The following CACNA1E variants were observed in gnomAD, a reference collection of about 807,000 sequenced individuals.
CACNA1E encodes the protein voltage-dependent R-type calcium channel subunit alpha-1E.
CACNA1E carries 40 observed loss-of-function variants against 259.2 expected under a neutral mutation model. That is an observed-to-expected ratio of 0.15 (90% CI 0.12 to 0.20). The LOEUF is 0.20. Ranked by LOEUF, CACNA1E falls within the 10% of genes least tolerant of loss-of-function variation. CACNA1E has a pLI of 1.00. For missense variants in CACNA1E, 1,874 were observed against 3,040.1 expected, an observed-to-expected ratio of 0.62 and a Z score of 9.02; for synonymous variants, 1,104 against 1,138.5, an observed-to-expected ratio of 0.97 and a Z score of 0.61.
At chr1:181,555,543 G>T (rs1367457062) in intron 3 of CACNA1E, among the ~76,000 whole-genome samples, 1 of 152,198 alleles carries the variant, frequency 6.6e-6, no homozygotes, top group Non-Finnish European at 1.5e-5. Context: ...GGAAGGGAGG[G>T]TTACATAAAG....
chr1:181,391,245 G>A (rs75907155), intron 1 of CACNA1E, among the ~76,000 whole-genome samples: 119 of 152,274 alleles, frequency 7.8e-4, no homozygotes, highest in African/African-American at 2.8e-3. Context: ...TTTTGCAGCA[G>A]CCAGAGTAAT....
intron 2 of CACNA1E, among the ~76,000 whole-genome samples, chr1:181,419,211 T>A (rs762400196): frequency 5.3e-5 from 8 of 152,190 alleles, no homozygotes; most frequent in Non-Finnish European, 1.0e-4. Context: ...ATCTTCTCCC[T>A]CTTCCCCCTG....
chr1:181,516,683 G>C (rs1666610160), intron 3 of CACNA1E, among the ~76,000 whole-genome samples: 1 of 152,158 alleles, frequency 6.6e-6, no homozygotes, highest in Non-Finnish European at 1.5e-5. Flanking sequence ...TTGGGTTCAG[G>C]CCAAATGGAG....
intron 7 of CACNA1E, among the ~76,000 whole-genome samples, chr1:181,661,483 G>A (rs2102136175): frequency 6.6e-6 from 1 of 152,242 alleles, no homozygotes; most frequent in South Asian, 2.1e-4. Flanking sequence ...AAGTCTTCTG[G>A]ATTGCTTTTA....
At chr1:181,388,435 G>A (rs1296294836) in intron 1 of CACNA1E, among the ~76,000 whole-genome samples, 1 of 152,120 alleles carries the variant, frequency 6.6e-6, no homozygotes, top group African/African-American at 2.4e-5. Context: ...AAATGATATA[G>A]CCTATTACAC....
chr1:181,530,417 G>A (rs1178480519), intron 3 of CACNA1E, among the ~76,000 whole-genome samples: 2 of 152,112 alleles, frequency 1.3e-5, no homozygotes, highest in African/African-American at 4.8e-5. Context: ...TGAGAATATA[G>A]CAGATTTTTA....
At chr1:181,382,786 C>CT (rs1283212055) in intron 1 of CACNA1E, among the ~76,000 whole-genome samples, 1 of 152,164 alleles carries the variant, frequency 6.6e-6, no homozygotes, top group Non-Finnish European at 1.5e-5. Flanking sequence ...TTGACCCAAC[C>CT]TTTAGCTCAG....
chr1:181,649,260 C>T (rs1384577659), intron 6 of CACNA1E, among the ~76,000 whole-genome samples: 1 of 152,192 alleles, frequency 6.6e-6, no homozygotes, highest in Non-Finnish European at 1.5e-5. Context: ...CTCCATCTTA[C>T]ACACTGAAAT....
At chr1:181,336,668 C>G (rs997552627) in intron 1 of CACNA1E, among the ~76,000 whole-genome samples, 10 of 152,062 alleles carry the variant, frequency 6.6e-5, no homozygotes, top group African/African-American at 2.4e-4. Context: ...CATTCCATTT[C>G]TAGAACTTTT....
At chr1:181,472,694 C>T (rs1031578939) in intron 2 of CACNA1E, among the ~76,000 whole-genome samples, 9 of 152,158 alleles carry the variant, frequency 5.9e-5, no homozygotes, top group Non-Finnish European at 1.2e-4. Context: ...GAGCTGGTGA[C>T]TGTCTTCAGG....
At chr1:181,754,034 C>T (rs942064245) in intron 27 of CACNA1E, among the ~76,000 whole-genome samples, 1 of 152,220 alleles carries the variant, frequency 6.6e-6, no homozygotes, top group African/African-American at 2.4e-5. Context: ...TTCTTACCAC[C>T]TTCCTGCCCA....
chr1:181,717,110 G>A lies in CACNA1E; in HGVS notation c.1333G>A (p.Ala445Thr). The A allele has an allele frequency of 6.2e-7, 1 of 1,614,018 alleles. No homozygotes were observed. Among genetic ancestry groups the A allele is most frequent in the South Asian group, 1.1e-5 (1 of 91,084 alleles). ...ISSVGTPLAR[A>T]SIKSAKVDGV... is the part of the protein sequence containing the mutation. ...CCTCTTAGGCACACCTCTGGCCCGA[G>A]CCAGTATCAAAAGTGCAAAGGTAGA... The change falls in exon 11 of 48, where the codon GCC (alanine) becomes ACC (threonine). Residue 445 changes from alanine (A) to threonine (T), a missense_variant. By Grantham distance (58) the Ala-to-Thr change is moderately conservative. Transcript: ENST00000367573.
chr1:181,329,927 G>A (rs1315623115), intron 1 of CACNA1E, among the ~76,000 whole-genome samples: 2 of 152,176 alleles, frequency 1.3e-5, no homozygotes, highest in African/African-American at 4.8e-5. Flanking sequence ...ATCACTGTTG[G>A]TTGAATGGAT....
At chr1:181,531,764 T>C (rs1667799029) in intron 3 of CACNA1E, among the ~76,000 whole-genome samples, 1 of 151,892 alleles carries the variant, frequency 6.6e-6, no homozygotes, top group Admixed American at 6.6e-5. Context: ...AGGCTGAAGG[T>C]AGAAAAATTG....
chr1:181,648,785 A>T (rs558670914), intron 6 of CACNA1E, among the ~76,000 whole-genome samples: 1 of 152,358 alleles, frequency 6.6e-6, no homozygotes, highest in South Asian at 2.1e-4. Flanking sequence ...CTTAAAAGTC[A>T]CAATTTCATC....
At chr1:181,716,486 G>A (rs1572686559) in intron 10 of CACNA1E, among the ~76,000 whole-genome samples, 2 of 152,162 alleles carry the variant, frequency 1.3e-5, no homozygotes, top group Non-Finnish European at 2.9e-5. Context: ...AGGACCTGTT[G>A]CTTCCAGGGA....
At chr1:181,377,922 A>C in intron 1 of CACNA1E, among the ~76,000 whole-genome samples, 1 of 152,226 alleles carries the variant, frequency 6.6e-6, no homozygotes, top group East Asian at 1.9e-4. Flanking sequence ...GATTTATTGA[A>C]GCCTAACAAT....
intron 6 of CACNA1E, among the ~76,000 whole-genome samples, chr1:181,649,543 CACAT>C (rs1480372357): frequency 6.6e-6 from 1 of 152,168 alleles, no homozygotes; most frequent in Non-Finnish European, 1.5e-5. Context: ...GTTATAAAAA[CACAT>C]GCATGCATAT....
At chr1:181,622,340 T>G (rs1477249245) in intron 6 of CACNA1E, among the ~76,000 whole-genome samples, 2 of 152,190 alleles carry the variant, frequency 1.3e-5, no homozygotes, top group African/African-American at 4.8e-5. Context: ...ATTATGAAGG[T>G]AATGTTAGAG....
Sources: gnomAD v4.1 joint callset for allele counts (sites outside exome capture counted in the v4.1 genomes callset) on GRCh38, gnomAD v4.1.1 for gene constraint, MANE v1.5 for transcripts, NCBI Gene and HGNC (gene_info 2026-07-23, HGNC 2026-07-21) for gene names.